Variants in AXDND1 observed in about 807,000 individuals in gnomAD.
AXDND1 encodes the protein axonemal dynein light chain domain containing 1.
A neutral mutation model predicts 137.5 loss-of-function variants in AXDND1; 110 were observed. The ratio of observed to expected loss-of-function variants is 0.80; its 90% CI spans 0.69 to 0.94. The LOEUF (loss-of-function observed/expected upper bound fraction) is 0.94, where lower values mean the gene tolerates loss of function less well. AXDND1 is among the 40% of genes least tolerant of loss of function. The pLI is 0.00. For synonymous variants in AXDND1, 414 were observed against 399.7 expected, an observed-to-expected ratio of 1.04 and a Z score of -0.43; for missense variants, 1,191 against 1,169.8, an observed-to-expected ratio of 1.02 and a Z score of -0.26.
chr1:179,377,561 T>A (rs1188974342), intron 4 of AXDND1, among the ~76,000 whole-genome samples: 1 of 152,206 alleles, frequency 6.6e-6, no homozygotes, highest in Non-Finnish European at 1.5e-5. Context: ...CTTGCCCACA[T>A]CTTGGTTATC....
At chr1:179,369,724 G>C (rs1667845165) in intron 3 of AXDND1, among the ~76,000 whole-genome samples, 1 of 152,070 alleles carries the variant, frequency 6.6e-6, no homozygotes, top group African/African-American at 2.4e-5. Context: ...TCCAAGGCTT[G>C]AGTATTTCCA....
intron 4 of AXDND1, among the ~76,000 whole-genome samples, chr1:179,374,830 TGGGGGGA>T (rs1458483912): frequency 8.9e-5 from 1 of 11,234 alleles, no homozygotes; most frequent in Admixed American, 1.1e-3. Flanking sequence ...TGTCGTGGGA[TGGGGGGA>T]GGGGGGAGGG....
rs75620625 is a variant in AXDND1, at chr1:179,490,341, A to G, written c.2092-1197A>G. Among the ~76,000 whole-genome samples the G allele has an allele frequency of 1.2e-3, 186 of 152,278 alleles. 2 individuals carry two copies. The highest frequency in any genetic ancestry group is 4.4e-3 in the African/African-American group (181 of 41,570). On this transcript the variant is annotated intron_variant, in intron 18 of 25. Transcript: ENST00000367618. ...ACCAAACAGCGAAAGGGAGTAGGGT[A>G]TTTGAAAAGTATGGTGTGTCTGAAT...
intron 4 of AXDND1, among the ~76,000 whole-genome samples, chr1:179,374,020 T>C (rs906049293): frequency 6.6e-6 from 1 of 151,884 alleles, no homozygotes; most frequent in Admixed American, 6.6e-5. Context: ...CAAAAAAAAA[T>C]TACCATCAGA....
chr1:179,543,959 C>T (rs938952731), intron 25 of AXDND1: 4 of 152,586 alleles, frequency 2.6e-5, no homozygotes, highest in Non-Finnish European at 4.4e-5. Flanking sequence ...GGACGGTGCT[C>T]TCAACATTAA....
intron 17 of AXDND1, among the ~76,000 whole-genome samples, chr1:179,477,313 A>G (rs985459039): frequency 2.0e-5 from 3 of 151,832 alleles, no homozygotes; most frequent in African/African-American, 7.3e-5. Flanking sequence ...AACATGTGTT[A>G]GTTCATTTTC....
At chr1:179,515,569 G>T (rs956646870) in intron 21 of AXDND1, among the ~76,000 whole-genome samples, 2 of 152,080 alleles carry the variant, frequency 1.3e-5, no homozygotes, top group East Asian at 3.8e-4. Flanking sequence ...ATCTTTTTGC[G>T]ATGAATTTCC....
intron 25 of AXDND1, among the ~76,000 whole-genome samples, chr1:179,539,899 T>C (rs971070070): frequency 6.6e-6 from 1 of 152,038 alleles, no homozygotes; most frequent in African/African-American, 2.4e-5. Context: ...TTTTCAGTCT[T>C]TTTTCTCTGA....
intron 17 of AXDND1, among the ~76,000 whole-genome samples, chr1:179,472,295 A>G (rs1248633985): frequency 6.6e-6 from 1 of 152,176 alleles, no homozygotes; most frequent in Non-Finnish European, 1.5e-5. Flanking sequence ...TAATGTCCAC[A>G]TATTTGTGAG....
chr1:179,459,729 TCCTTCC>T (rs1661963070), intron 16 of AXDND1, among the ~76,000 whole-genome samples: 1 of 107,328 alleles, frequency 9.3e-6, no homozygotes, highest in Non-Finnish European at 1.9e-5. Context: ...TTTCTTTCCT[TCCTTCC>T]TTTTTTCCTT....
chr1:179,551,157 T>G, intron 25 of AXDND1: 1 of 1,613,638 alleles, frequency 6.2e-7, no homozygotes, highest in Non-Finnish European at 8.5e-7. Context: ...TACAGTCACA[T>G]TATGCCCCAT....
In AXDND1 at chr1:179,368,837, T is replaced by G; in HGVS notation, c.135T>G (p.Asp45Glu). 1.2e-6 allele frequency: 2 copies of G among 1,613,588 alleles called. No homozygotes were observed. The highest frequency in any genetic ancestry group is 1.1e-5 in the South Asian group (1 of 91,024). The change falls in exon 3 of 26, where the codon GAT (aspartate) becomes GAG (glutamate). Residue 45 changes from aspartate (D) to glutamate (E), a missense_variant. By Grantham distance (45) the Asp-to-Glu change is conservative (BLOSUM62 2). Coordinates refer to ENST00000367618, the MANE Select transcript of AXDND1 (RefSeq NM_144696.6). ...PELKEKKNMVDRSKLLPTSLQ... is the reference protein window; with the variant it reads ...PELKEKKNMVERSKLLPTSLQ... ...TAAAGGAGAAAAAAAATATGGTGGA[T>G]CGTTCAAAACTCCTTCCTACTTCCC...
chr1:179,368,934 G>C lies in AXDND1; in HGVS notation c.232G>C (p.Glu78Gln), dbSNP rs915074077. 2 of 1,613,764 alleles carry C rather than the reference G, an allele frequency of 1.2e-6. No individual in the cohort carries two copies. Among genetic ancestry groups the C allele is most frequent in the East Asian group, 4.5e-5 (2 of 44,854 alleles). ...TGCGGCCAATGCTGGTCCTTGTCCT[G>C]AAAACTTACTACCTCCTAAGAAAAT... ...TYAANAGPCP[E>Q]NLLPPKKIKT... Residue 78 changes from glutamate to glutamine, a missense_variant, in exon 3 of 26, where the codon GAA becomes CAA. Coordinates refer to ENST00000367618, the MANE Select transcript of AXDND1 (RefSeq NM_144696.6).
intron 25 of AXDND1, among the ~76,000 whole-genome samples, chr1:179,539,214 G>A (rs1457086939): frequency 1.3e-5 from 2 of 152,178 alleles, no homozygotes; most frequent in African/African-American, 4.8e-5. Flanking sequence ...TGTTATATGT[G>A]AATTTGAGCC....
chr1:179,395,146 AG>A lies in AXDND1; in HGVS notation c.1054del (p.Glu352LysfsTer12), dbSNP rs1433266979. The A allele has an allele frequency of 2.5e-6, 4 of 1,613,736 alleles. No homozygotes were observed. The highest frequency in any genetic ancestry group is 3.4e-6 in the Non-Finnish European group (4 of 1,179,856). ...AHDVKLTKET[E>X]KAHKDLAQAL... ...ATGATGTGAAATTAACAAAGGAAAC[AG>A]AAAAAGCCCACAAGGATTTGGCACA... On this transcript the variant is annotated frameshift_variant, in exon 11 of 26. Coordinates refer to ENST00000367618, the MANE Select transcript of AXDND1 (RefSeq NM_144696.6). LOFTEE classifies it high-confidence loss of function.
chr1:179,403,721 G>A (rs1350463177), intron 11 of AXDND1, among the ~76,000 whole-genome samples: 1 of 152,084 alleles, frequency 6.6e-6, no homozygotes, highest in African/African-American at 2.4e-5. Context: ...TTTCAGGCAT[G>A]TGCCACCACA....
chr1:179,387,090 G>A (rs115078605), intron 9 of AXDND1, among the ~76,000 whole-genome samples: 2,449 of 152,156 alleles, frequency 0.016, 53 homozygotes, highest in African/African-American at 0.053. Flanking sequence ...TAATTCTACC[G>A]TCTATTTTGG....
At position 179,368,663 on chromosome 1, in the gene AXDND1, T is replaced by C. The variant is rs1039310483; in HGVS notation, c.98-137T>C. 8.7e-6 allele frequency: 6 copies of C among 693,502 alleles called. No homozygotes were observed. The South Asian group carries it at 1.4e-4, about 16-fold the overall frequency. The allele number at this position is 693,502 out of a possible 1,614,324, so 43.0% of individuals were successfully genotyped here. A position where few individuals can be genotyped will look rare whatever the true frequency, so the allele number is the denominator to read the frequency against. ...ATGATGTTCACTGTTTTCAATATTATTTGTTACTATCTTTGTCAAATAGAA... is the reference window on the plus strand; with the variant it reads ...ATGATGTTCACTGTTTTCAATATTACTTGTTACTATCTTTGTCAAATAGAA... On this transcript the variant is annotated intron_variant, in intron 2 of 25. Transcript: ENST00000367618.
chr1:179,414,196 C>T (rs77734121), intron 12 of AXDND1, among the ~76,000 whole-genome samples: 2 of 64,788 alleles, frequency 3.1e-5, no homozygotes, highest in African/African-American at 9.4e-5. Context: ...AAGATAAATA[C>T]AAAAAAAAAC....
Sources: allele counts gnomAD v4.1 joint callset (sites outside exome capture counted in the v4.1 genomes callset), GRCh38; gene constraint gnomAD v4.1.1; transcripts MANE v1.5; gene names NCBI Gene and HGNC (gene_info 2026-07-23, HGNC 2026-07-21).